CPPED1: variants seen among roughly 807,000 people sequenced by gnomAD.
The protein encoded by CPPED1 is serine/threonine-protein phosphatase CPPED1.
A neutral mutation model predicts 28.0 loss-of-function variants in CPPED1; 28 were observed. The observed-to-expected ratio is 1.00, with a 90% CI of 0.74 to 1.37. The LOEUF (loss-of-function observed/expected upper bound fraction) is 1.37, where lower values mean the gene tolerates loss of function less well. Among genes scored for constraint, CPPED1 ranks in the 40% most tolerant of loss-of-function variants. The probability of loss-of-function intolerance (pLI) is 0.00; values close to 1 mark genes in which losing one functional copy is unlikely to be tolerated. For synonymous variants in CPPED1, 198 were observed against 180.2 expected (o/e 1.10, Z -0.79); for missense variants, 504 against 416.5 (o/e 1.21, Z -1.83).
In CPPED1 at chr16:12,709,918, A is replaced by AAGGAAGGGAAGGAAGGG. The variant is rs1355108029; in HGVS notation, c.290-4886_290-4870dup. On this transcript the variant is annotated intron_variant, in intron 2 of 3. Coordinates refer to ENST00000381774, the MANE Select transcript of CPPED1 (RefSeq NM_018340.3). The surrounding 1 kb of genome is among the most constrained non-coding windows in gnomAD (Gnocchi z 4.4). ...AGGGAAAGACGGGGGGAAGGAAGGG[A>AAGGAAGGGAAGGAAGGG]AGGAAGGGAAGGAAGGGAAGGAAGG... Among the ~76,000 whole-genome samples the AAGGAAGGGAAGGAAGGG allele has an allele frequency of 3.5e-5, 5 of 144,148 alleles. No homozygotes were observed. The highest frequency in any genetic ancestry group is 7.5e-5 in the Non-Finnish European group (5 of 66,262). The allele number at this position is 144,148 out of a possible 152,430, so 94.6% of individuals were successfully genotyped here. A position where few individuals can be genotyped will look rare whatever the true frequency, so the allele number is the denominator to read the frequency against.
At chr16:12,723,815 G>A (rs1217812659) in intron 2 of CPPED1, among the ~76,000 whole-genome samples, 2 of 152,086 alleles carry the variant, frequency 1.3e-5, no homozygotes, top group African/African-American at 4.8e-5. Flanking sequence ...GGGATAGGAC[G>A]TGGGTTTGTA....
chr16:12,797,330 T>C (rs887481754), intron 1 of CPPED1, among the ~76,000 whole-genome samples: 2 of 152,178 alleles, frequency 1.3e-5, no homozygotes, highest in Non-Finnish European at 2.9e-5. Context: ...GCAGGAGGAT[T>C]GCTCGGGTCC....
At position 12,670,505 on chromosome 16, in the gene CPPED1, AAG is replaced by A. The variant is rs2079847936; in HGVS notation, c.716-5392_716-5391del. ...TGTTCAAAGAGTATAGTTTAAAGAG[AAG>A]GTTAAAAAAAAAAAGAATGTATTTA... On this transcript the variant is annotated intron_variant, in intron 3 of 3. Coordinates refer to ENST00000381774, the MANE Select transcript of CPPED1 (RefSeq NM_018340.3). This position sits in a 1 kb window ranked among gnomAD's most constrained non-coding sequence, Gnocchi z 4.2. Among the ~76,000 whole-genome samples, 1 of 152,016 alleles carries A rather than the reference AAG, an allele frequency of 6.6e-6. No homozygotes were observed. Among genetic ancestry groups the A allele is most frequent in the Non-Finnish European group, 1.5e-5 (1 of 68,030 alleles).
At chr16:12,708,412 A>G (rs545832526) in intron 2 of CPPED1, among the ~76,000 whole-genome samples, 2 of 152,290 alleles carry the variant, frequency 1.3e-5, no homozygotes, top group East Asian at 3.9e-4. Flanking sequence ...TCCTACTAAG[A>G]TAATGATGTC....
At chr16:12,797,489 A>C (rs2080634701) in intron 1 of CPPED1, among the ~76,000 whole-genome samples, 1 of 151,652 alleles carries the variant, frequency 6.6e-6, no homozygotes, top group Non-Finnish European at 1.5e-5. Flanking sequence ...CAGGAGGGGG[A>C]GGCTGCAGTG....
chr16:12,761,156 A>C (rs2080407190), intron 2 of CPPED1: 1 of 152,232 alleles, frequency 6.6e-6, no homozygotes, highest in Non-Finnish European at 1.5e-5. Context: ...AGGCACCTGT[A>C]ATCCCAGCTA....
chr16:12,803,452 T>A (rs1217475763), intron 1 of CPPED1, among the ~76,000 whole-genome samples: 4 of 152,222 alleles, frequency 2.6e-5, no homozygotes, highest in African/African-American at 9.6e-5. Flanking sequence ...TACCCTCCTC[T>A]TACTTCCCTT....
chr16:12,722,829 C>T (rs538675592), intron 2 of CPPED1, among the ~76,000 whole-genome samples: 1 of 152,266 alleles, frequency 6.6e-6, no homozygotes, highest in Non-Finnish European at 1.5e-5. Context: ...TCCCACGGAC[C>T]CCAAGGCTGG....
intron 2 of CPPED1, among the ~76,000 whole-genome samples, chr16:12,779,859 C>T (rs2080519566): frequency 6.6e-6 from 1 of 152,220 alleles, no homozygotes; most frequent in South Asian, 2.1e-4. Flanking sequence ...CAGACAGACA[C>T]CCACACCCAC....
At chr16:12,745,201 GAAGA>G (rs1486758868) in intron 2 of CPPED1, among the ~76,000 whole-genome samples, 1 of 152,144 alleles carries the variant, frequency 6.6e-6, no homozygotes, top group Non-Finnish European at 1.5e-5. Context: ...AAAAATACGT[GAAGA>G]AAGGCGGGCT....
Position 12,803,840 on chromosome 16 carries a change from A to T in CPPED1, c.-64T>A. The T allele has an allele frequency of 7.4e-6, 11 of 1,476,976 alleles. No individual in the cohort carries two copies. The highest frequency in any genetic ancestry group is 1.0e-5 in the Non-Finnish European group (11 of 1,089,492). 91.5% of individuals were successfully genotyped at this position (1,476,976 alleles called of 1,614,324 possible). A position where few individuals can be genotyped will look rare whatever the true frequency, so the allele number is the denominator to read the frequency against. ...GGGTGGAAGCCGCGCGACTTCACAC[A>T]GAACAACCGCTGGACCTGTCCCGCT... is the stretch of plus-strand genomic sequence containing the variant. On this transcript the variant is annotated 5_prime_UTR_variant, in exon 1 of 4. Transcript: ENST00000381774.
At chr16:12,784,114 A>G (rs1418647990) in intron 1 of CPPED1, among the ~76,000 whole-genome samples, 63 of 152,346 alleles carry the variant, frequency 4.1e-4, no homozygotes, top group Admixed American at 4.1e-3. Flanking sequence ...AAAGAAGACC[A>G]TGACTTTCAT....
At chr16:12,681,948 G>C (rs2079907071) in intron 3 of CPPED1, among the ~76,000 whole-genome samples, 1 of 152,134 alleles carries the variant, frequency 6.6e-6, no homozygotes. Context: ...TGAGTCCACA[G>C]CCTTGAGAGT....
chr16:12,742,330 A>T (rs1236463924), intron 2 of CPPED1, among the ~76,000 whole-genome samples: 1 of 152,230 alleles, frequency 6.6e-6, no homozygotes, highest in African/African-American at 2.4e-5. Flanking sequence ...GAGCCCGTGA[A>T]ATAACTGTGG....
intron 2 of CPPED1, among the ~76,000 whole-genome samples, chr16:12,778,187 G>A (rs938311372): frequency 6.6e-6 from 1 of 151,716 alleles, no homozygotes; most frequent in African/African-American, 2.4e-5. Context: ...TGGGATTACA[G>A]GTGTGAGCCA....
chr16:12,766,778 GA>G (rs2080442299), intron 2 of CPPED1, among the ~76,000 whole-genome samples: 1 of 152,078 alleles, frequency 6.6e-6, no homozygotes, highest in East Asian at 1.9e-4. Flanking sequence ...CAAATAAAAA[GA>G]AAAGCAAAAA....
intron 2 of CPPED1, among the ~76,000 whole-genome samples, chr16:12,737,296 A>G (rs972418980): frequency 2.0e-5 from 3 of 152,176 alleles, no homozygotes; most frequent in South Asian, 2.1e-4. Context: ...TCTGAAGGAC[A>G]AGCAGGCAGT....
intron 2 of CPPED1, among the ~76,000 whole-genome samples, chr16:12,767,870 T>C (rs543659954): frequency 1.3e-5 from 2 of 151,982 alleles, no homozygotes; most frequent in South Asian, 4.2e-4. Flanking sequence ...GGCGAGAGAA[T>C]CACTTGAACC....
Position 12,776,122 on chromosome 16 carries a change from G to T in CPPED1, c.289+5063C>A, listed in dbSNP as rs73508432. Among the ~76,000 whole-genome samples the T allele has an allele frequency of 9.1e-3, 1,379 of 152,256 alleles. 20 individuals carry two copies. Among genetic ancestry groups the T allele is most frequent in the African/African-American group, 0.032 (1,316 of 41,562 alleles). On this transcript the variant is annotated intron_variant, in intron 2 of 3. Coordinates refer to ENST00000381774, the MANE Select transcript of CPPED1 (RefSeq NM_018340.3). Reference sequence around the variant, plus strand: ...AATATAATCACCAGGATCTTTACAAGAGGAAAGCAGGAGAATCAGAGTAAC... The same window carrying T: ...AATATAATCACCAGGATCTTTACAATAGGAAAGCAGGAGAATCAGAGTAAC...
Sources: allele counts gnomAD v4.1 joint callset (sites outside exome capture counted in the v4.1 genomes callset), GRCh38; gene constraint gnomAD v4.1.1; non-coding constraint Gnocchi (gnomAD v3.1); transcripts MANE v1.5; gene names NCBI Gene and HGNC (gene_info 2026-07-23, HGNC 2026-07-21).